The following MTHFSD variants were observed in gnomAD, a reference collection of about 807,000 sequenced individuals.
The protein encoded by MTHFSD is methenyltetrahydrofolate synthase domain-containing protein.
MTHFSD carries 37 observed loss-of-function variants against 31.1 expected under a neutral mutation model. The observed-to-expected ratio is 1.19, with a 90% CI of 0.91 to 1.56. The LOEUF is 1.56. MTHFSD is among the 40% of genes most tolerant of loss of function. MTHFSD has a pLI of 0.00. For missense variants in MTHFSD, 664 were observed against 510.1 expected (o/e 1.30, Z -2.91); for synonymous variants, 221 against 206.9 (o/e 1.07, Z -0.59).
At chr16:86,551,887 C>T in intron 3 of MTHFSD, 146 bp downstream of exon 3, 1 of 1,449,254 alleles carries the variant, frequency 6.9e-7, no homozygotes, top group South Asian at 1.4e-5. Context: ...TTGGAAAAAT[C>T]ACCACCAAGG....
chr16:86,554,956 A>C, intron 1 of MTHFSD: 1 of 1,258,234 alleles, frequency 7.9e-7, no homozygotes, highest in Admixed American at 2.9e-5. Flanking sequence ...TCTTCTCGTT[A>C]TCTTTATTTT....
intron 5 of MTHFSD, among the ~76,000 whole-genome samples, chr16:86,543,448 C>T (rs1435525930): frequency 6.6e-6 from 1 of 152,228 alleles, no homozygotes; most frequent in Non-Finnish European, 1.5e-5. Context: ...TTCACTCCAA[C>T]ATGGTCTGTA....
chr16:86,545,628 G>A (rs1411506541), intron 5 of MTHFSD, among the ~76,000 whole-genome samples: 4 of 152,148 alleles, frequency 2.6e-5, no homozygotes, highest in Non-Finnish European at 5.9e-5. Context: ...CGCTACTGAG[G>A]AGATGCCCCC....
intron 7 of MTHFSD, among the ~76,000 whole-genome samples, chr16:86,538,120 C>T (rs2143480212): frequency 1.3e-5 from 2 of 152,356 alleles, no homozygotes; most frequent in Middle Eastern, 6.8e-3. Context: ...AGCCCTCAGT[C>T]TCCCACTCAG....
chr16:86,534,071 T>C (rs1970342359), intron 7 of MTHFSD, among the ~76,000 whole-genome samples: 1 of 152,258 alleles, frequency 6.6e-6, no homozygotes, highest in African/African-American at 2.4e-5. Flanking sequence ...AAACAGACTC[T>C]TGGCTGTCAT....
At chr16:86,533,582 A>T (rs184868398) in intron 7 of MTHFSD, 2 of 152,218 alleles carry the variant, frequency 1.3e-5, no homozygotes, top group African/African-American at 2.4e-5. Context: ...AAATAGTTCA[A>T]CTAGTATCAA....
intron 7 of MTHFSD, among the ~76,000 whole-genome samples, chr16:86,535,033 A>G (rs1970486180): frequency 6.6e-6 from 1 of 152,332 alleles, no homozygotes; most frequent in South Asian, 2.1e-4. Context: ...TGCGGCAGAA[A>G]TCTGTTTTGA....
Position 86,552,318 on chromosome 16 carries a change from C to A in MTHFSD, c.124-172G>T, listed in dbSNP as rs189792449. 14 of 1,531,438 alleles carry A rather than the reference C, an allele frequency of 9.1e-6. No individual in the cohort carries two copies. The Admixed American group carries it at 2.6e-4, about 29-fold the overall frequency. The allele number at this position is 1,531,438 out of a possible 1,614,324, so 94.9% of individuals were successfully genotyped here. On this transcript the variant is annotated intron_variant, in intron 2 of 7. Transcript: ENST00000360900. ...CTGTTTCCAATGCAATCGCACGTTA[C>A]TGAAAGGACAGCACGCTCTCAGGCC... is the stretch of plus-strand genomic sequence containing the variant.
intron 2 of MTHFSD, among the ~76,000 whole-genome samples, chr16:86,554,354 G>A (rs77344130): frequency 3.3e-5 from 5 of 152,118 alleles, no homozygotes; most frequent in African/African-American, 4.8e-5. Context: ...CACTCACTGC[G>A]AGGCTTCATT....
At chr16:86,537,992 G>T (rs1436262236) in intron 7 of MTHFSD, among the ~76,000 whole-genome samples, 1 of 152,214 alleles carries the variant, frequency 6.6e-6, no homozygotes, top group African/African-American at 2.4e-5. Flanking sequence ...GCACAGGACG[G>T]GTGAGAAGAT....
intron 6 of MTHFSD, 112 bp from the exon 7 acceptor site, chr16:86,541,934 C>A: frequency 6.8e-7 from 1 of 1,471,350 alleles, no homozygotes; most frequent in South Asian, 1.2e-5. Context: ...CCCAAATCCA[C>A]TCTGGGGCTA....
In MTHFSD at chr16:86,531,941, G is replaced by T; in HGVS notation, c.*70C>A. 9.0e-7 allele frequency: 1 copy of T among 1,112,258 alleles called. No individual in the cohort carries two copies. The highest frequency in any genetic ancestry group is 1.2e-6 in the Non-Finnish European group (1 of 830,722). 68.9% of individuals were successfully genotyped at this position (1,112,258 alleles called of 1,614,324 possible). A position where few individuals can be genotyped will look rare whatever the true frequency, so the allele number is the denominator to read the frequency against. On this transcript the variant is annotated 3_prime_UTR_variant, in exon 8 of 8. Coordinates refer to ENST00000360900, the MANE Select transcript of MTHFSD (RefSeq NM_001159377.2). This position sits in a 1 kb window ranked among gnomAD's most constrained non-coding sequence, Gnocchi z 5.5. ...GTCTTGCCACGCAGGCCTCTCGAGT[G>T]CCATCGGAACCGGAGCGGCAGGGGA...
chr16:86,539,128 TGGA>T (rs1971123836), intron 7 of MTHFSD, among the ~76,000 whole-genome samples: 1 of 152,074 alleles, frequency 6.6e-6, no homozygotes, highest in Non-Finnish European at 1.5e-5. Context: ...GAAGATGATA[TGGA>T]GGAGGAAGAA....
intron 3 of MTHFSD, among the ~76,000 whole-genome samples, chr16:86,551,707 G>C (rs1973172045): frequency 6.6e-6 from 1 of 152,150 alleles, no homozygotes; most frequent in Admixed American, 6.6e-5. Context: ...ATCTATTTCA[G>C]CTCCAGCTCC....
chr16:86,535,766 C>T (rs887987494), intron 7 of MTHFSD, among the ~76,000 whole-genome samples: 2 of 152,186 alleles, frequency 1.3e-5, no homozygotes, highest in African/African-American at 4.8e-5. Context: ...CTGCTCTTAC[C>T]ATTTTGGATA....
chr16:86,551,471 C>T (rs1276261045), intron 3 of MTHFSD, among the ~76,000 whole-genome samples: 10 of 152,164 alleles, frequency 6.6e-5, no homozygotes, highest in African/African-American at 1.9e-4. Flanking sequence ...AATGCTTCAA[C>T]GCCATAGTTT....
At chr16:86,545,853 T>C (rs1483441307) in intron 5 of MTHFSD, among the ~76,000 whole-genome samples, 1 of 152,182 alleles carries the variant, frequency 6.6e-6, no homozygotes, top group Non-Finnish European at 1.5e-5. Context: ...CCAGCCCCGA[T>C]GACACAGACG....
intron 7 of MTHFSD, chr16:86,532,775 C>G (rs1970153628): frequency 3.8e-6 from 1 of 260,044 alleles, no homozygotes; most frequent in Admixed American, 5.5e-5. Context: ...CCATTTTCCT[C>G]CAGGCCCAGA....
At chr16:86,537,598 G>A (rs1970888238) in intron 7 of MTHFSD, among the ~76,000 whole-genome samples, 1 of 152,196 alleles carries the variant, frequency 6.6e-6, no homozygotes, top group African/African-American at 2.4e-5. Context: ...GGTAGGGGTT[G>A]GTTCACAGTT....
Sources: allele counts gnomAD v4.1 joint callset (sites outside exome capture counted in the v4.1 genomes callset), GRCh38; gene constraint gnomAD v4.1.1; non-coding constraint Gnocchi (gnomAD v3.1); transcripts MANE v1.5; gene names NCBI Gene and HGNC (gene_info 2026-07-23, HGNC 2026-07-21).